Variants in LTBP2 observed in about 807,000 individuals in gnomAD.
LTBP2 encodes the protein latent-transforming growth factor beta-binding protein 2.
A neutral mutation model predicts 210.6 loss-of-function variants in LTBP2; 103 were observed. The observed-to-expected ratio is 0.49, with a 90% CI of 0.42 to 0.58. LTBP2 has a LOEUF of 0.58. LTBP2 is among the 20% of genes least tolerant of loss of function. The probability of loss-of-function intolerance (pLI) is 0.00; values close to 1 mark genes in which losing one functional copy is unlikely to be tolerated. For missense variants in LTBP2, 2,313 were observed against 2,494.5 expected (o/e 0.93, Z 1.55); for synonymous variants, 1,007 against 1,015.0 (o/e 0.99, Z 0.15).
At chr14:74,571,924 T>C (rs1017222882) in intron 3 of LTBP2, among the ~76,000 whole-genome samples, 1 of 151,752 alleles carries the variant, frequency 6.6e-6, no homozygotes, top group Non-Finnish European at 1.5e-5. Flanking sequence ...CACTTCCTTT[T>C]AGACCTTTCA....
chr14:74,597,243 T>C (rs922154757), intron 2 of LTBP2, among the ~76,000 whole-genome samples: 1 of 152,154 alleles, frequency 6.6e-6, no homozygotes, highest in Admixed American at 6.5e-5. Context: ...GTATTGCATG[T>C]CAATTGTCGG....
chr14:74,604,164 C>CAAACAAAAAAAAAAAAAAAA (rs1273987376), intron 1 of LTBP2, among the ~76,000 whole-genome samples: 8 of 72,742 alleles, frequency 1.1e-4, no homozygotes, highest in African/African-American at 5.2e-4. Flanking sequence ...TGCCTCTCAC[C>CAAACAAAAAAAAAAAAAAAA]AAAAAAAAAA....
intron 3 of LTBP2, among the ~76,000 whole-genome samples, chr14:74,579,105 C>A (rs941587803): frequency 2.0e-5 from 3 of 152,184 alleles, no homozygotes; most frequent in Non-Finnish European, 4.4e-5. Context: ...GATCCACCCA[C>A]CTCTGCCTCC....
In LTBP2 at chr14:74,505,014, A is replaced by G. The variant is rs2086962676; in HGVS notation, c.4338T>C (p.Asp1446=). The change falls in exon 29 of 36, where the codon GAT becomes GAC. Residue 1446 remains aspartate (D), a synonymous_variant. Transcript: ENST00000261978. ...CCCTQGASWG[D]ACDLCPSEDS... is the part of the protein sequence containing the mutation. Reference sequence around the variant, plus strand: ...CCTCAGACGGGCAGAGGTCACAGGCATCTCCCCAGCTAGCGCCCTGGGTGC... The same window carrying G: ...CCTCAGACGGGCAGAGGTCACAGGCGTCTCCCCAGCTAGCGCCCTGGGTGC... 1.9e-6 allele frequency: 3 copies of G among 1,614,188 alleles called. No individual in the cohort carries two copies. Among genetic ancestry groups the G allele is most frequent in the Non-Finnish European group, 1.7e-6 (2 of 1,180,028 alleles).
rs752433678 is a variant in LTBP2 at position 74,503,319 on chromosome 14, G to A, written c.4788C>T (p.Ser1596=). Reference sequence around the variant, plus strand: ...TGGTGCGGTGCCCACGCAGGGGTTCGCTGCACACATCATTGGTGACTTTTT... The same window carrying A: ...TGGTGCGGTGCCCACGCAGGGGTTCACTGCACACATCATTGGTGACTTTTT... ...CWKKVTNDVC[S]EPLRGHRTTY... The change falls in exon 33 of 36, where the codon AGC becomes AGT. Residue 1596 remains serine (S), a synonymous_variant. Transcript: ENST00000261978. 12 of 1,613,894 alleles carry A rather than the reference G, an allele frequency of 7.4e-6. No individual in the cohort carries two copies. The highest frequency in any genetic ancestry group is 3.3e-5 in the South Asian group (3 of 91,086).
At chr14:74,531,053 G>C (rs572103145) in intron 10 of LTBP2, among the ~76,000 whole-genome samples, 32 of 152,318 alleles carry the variant, frequency 2.1e-4, no homozygotes, top group Admixed American at 1.4e-3. Context: ...TTGGGACACT[G>C]TAAGGAAGGG....
chr14:74,600,119 C>T (rs897081065), intron 2 of LTBP2, among the ~76,000 whole-genome samples: 5 of 152,180 alleles, frequency 3.3e-5, no homozygotes, highest in South Asian at 2.1e-4. Flanking sequence ...CCACCTTCTG[C>T]GGAGCTCTGG....
intron 2 of LTBP2, among the ~76,000 whole-genome samples, chr14:74,602,982 G>T (rs958806847): frequency 6.6e-6 from 1 of 152,246 alleles, no homozygotes; most frequent in South Asian, 2.1e-4. Context: ...GGCCAGGCAT[G>T]TTCTGCAGAA....
chr14:74,522,739 G>C (rs1189996596), intron 16 of LTBP2, 51 bp downstream of exon 16: 2 of 1,576,112 alleles, frequency 1.3e-6, no homozygotes, highest in Non-Finnish European at 1.7e-6. Flanking sequence ...CTTAGCCCCT[G>C]CTCCCATCTA....
At chr14:74,547,459 G>A (rs1052299195) in intron 8 of LTBP2, among the ~76,000 whole-genome samples, 3 of 152,132 alleles carry the variant, frequency 2.0e-5, no homozygotes, top group Non-Finnish European at 4.4e-5. Context: ...ATTCTGAGAA[G>A]GCCCTTCTGG....
chr14:74,610,697 T>C (rs60182614), intron 1 of LTBP2, among the ~76,000 whole-genome samples: 14,546 of 152,222 alleles, frequency 0.096, 1,242 homozygotes, highest in African/African-American at 0.21. Context: ...GCGCCCGCGG[T>C]GGGCAGGGGG....
chr14:74,572,896 T>C (rs2088004125), intron 3 of LTBP2, among the ~76,000 whole-genome samples: 1 of 152,202 alleles, frequency 6.6e-6, no homozygotes, highest in Non-Finnish European at 1.5e-5. Context: ...TCTTGCTTCA[T>C]TGCTCCCAGC....
At chr14:74,564,761 A>G (rs948923193) in intron 3 of LTBP2, among the ~76,000 whole-genome samples, 1 of 152,050 alleles carries the variant, frequency 6.6e-6, no homozygotes, top group Non-Finnish European at 1.5e-5. Flanking sequence ...ATCCTCTCAC[A>G]TAGAGCTCTC....
chr14:74,506,868 TGTGTGTGTGTGCGCGCGCGC>T lies in LTBP2; in HGVS notation c.3908-65_3908-46del, dbSNP rs748616068. The T allele has an allele frequency of 9.0e-6, 14 of 1,552,124 alleles. No individual in the cohort carries two copies. The East Asian group carries it at 1.4e-4, about 16-fold the overall frequency. Reference sequence around the variant, plus strand: ...AGGATAGAGGATGTGTGTGTGTGTGTGTGTGTGTGTGCGCGCGCGCGTGTGTGCTCACTCTCTCACACGCA... The same window carrying T: ...AGGATAGAGGATGTGTGTGTGTGTGTGTGTGTGCTCACTCTCTCACACGCA... On this transcript the variant is annotated intron_variant, in intron 26 of 35. Coordinates refer to ENST00000261978, the MANE Select transcript of LTBP2 (RefSeq NM_000428.3).
At chr14:74,528,448 G>A (rs1566624768) in intron 12 of LTBP2, 35 bp downstream of exon 12, 2 of 1,609,542 alleles carry the variant, frequency 1.2e-6, no homozygotes, top group Admixed American at 1.7e-5. Context: ...TAGGGGAAAG[G>A]AAAATCCCTC....
intron 2 of LTBP2, among the ~76,000 whole-genome samples, chr14:74,587,450 C>T (rs536387369): frequency 4.6e-5 from 7 of 151,750 alleles, no homozygotes; most frequent in African/African-American, 1.2e-4. Context: ...TCAGATGGGG[C>T]GGCCAGGGCA....
In LTBP2 at chr14:74,528,584, T is replaced by C. The variant is rs1217304802; in HGVS notation, c.2267A>G (p.Gln756Arg). ...CAGTGCCCCGCTGCTCCTCTGCCCTTGCTCCCTTGGGGGCCTTGCCAGTTC... is the reference window on the plus strand; with the variant it reads ...CAGTGCCCCGCTGCTCCTCTGCCCTCGCTCCCTTGGGGGCCTTGCCAGTTC... ...EEELARPPRE[Q>R]GQRSSGALPG... Residue 756 changes from glutamine to arginine, a missense_variant, in exon 12 of 36, where the codon CAA becomes CGA. Transcript: ENST00000261978. The C allele has an allele frequency of 6.2e-7, 1 of 1,613,530 alleles. No homozygotes were observed.
intron 13 of LTBP2, among the ~76,000 whole-genome samples, chr14:74,526,862 G>A (rs1167731059): frequency 6.6e-6 from 1 of 152,174 alleles, no homozygotes; most frequent in Non-Finnish European, 1.5e-5. Flanking sequence ...ACAGGGAAGG[G>A]AGTTGGATGC....
intron 3 of LTBP2, among the ~76,000 whole-genome samples, chr14:74,581,369 C>T (rs2088134115): frequency 6.6e-6 from 1 of 152,046 alleles, no homozygotes; most frequent in African/African-American, 2.4e-5. Context: ...AGAGATGGTC[C>T]TGGATTATCT....
Sources: allele counts gnomAD v4.1 joint callset (sites outside exome capture counted in the v4.1 genomes callset), GRCh38; gene constraint gnomAD v4.1.1; transcripts MANE v1.5; gene names NCBI Gene and HGNC (gene_info 2026-07-23, HGNC 2026-07-21).